ACP3: variants seen among roughly 807,000 people sequenced by gnomAD.
ACP3 encodes prostatic acid phosphatase.
A neutral mutation model predicts 45.6 loss-of-function variants in ACP3; 38 were observed. That is an observed-to-expected ratio of 0.83 (90% CI 0.64 to 1.09). The LOEUF is 1.09. Ranked by LOEUF, ACP3 falls within the 50% of genes least tolerant of loss-of-function variation. The probability of loss-of-function intolerance (pLI) is 0.00; values close to 1 mark genes in which losing one functional copy is unlikely to be tolerated. For synonymous variants in ACP3, 162 were observed against 164.7 expected (o/e 0.98, Z 0.13); for missense variants, 466 against 463.2 (o/e 1.01, Z -0.05).
chr3:132,329,006 T>C (rs944096069), intron 2 of ACP3, among the ~76,000 whole-genome samples: 3 of 152,234 alleles, frequency 2.0e-5, no homozygotes, highest in African/African-American at 7.2e-5. Context: ...GATTTGACCT[T>C]CCTTATAAGT....
intron 1 of ACP3, among the ~76,000 whole-genome samples, chr3:132,325,977 G>A (rs1937291800): frequency 6.6e-6 from 1 of 152,154 alleles, no homozygotes; most frequent in African/African-American, 2.4e-5. Flanking sequence ...AAATGTTAAG[G>A]AGTTACCGTT....
chr3:132,328,550 G>A (rs963182968), intron 2 of ACP3, among the ~76,000 whole-genome samples, 188 bp downstream of exon 2: 1 of 151,962 alleles, frequency 6.6e-6, no homozygotes, highest in African/African-American at 2.4e-5. Flanking sequence ...TTGGTGGTGG[G>A]CACCTGTAAT....
chr3:132,327,131 C>G (rs1024433312), intron 1 of ACP3, among the ~76,000 whole-genome samples: 3 of 152,222 alleles, frequency 2.0e-5, no homozygotes, highest in African/African-American at 7.2e-5. Flanking sequence ...CACCTGCAAT[C>G]TTTTACTCCT....
chr3:132,362,045 T>C (rs1938049577), downstream of ACP3, among the ~76,000 whole-genome samples: 1 of 152,234 alleles, frequency 6.6e-6, no homozygotes, highest in African/African-American at 2.4e-5. Context: ...ATGATTCACA[T>C]GTTCTTGTAC....
At chr3:132,336,215 G>T (rs1438593707) in intron 4 of ACP3, among the ~76,000 whole-genome samples, 2 of 152,072 alleles carry the variant, frequency 1.3e-5, no homozygotes, top group East Asian at 3.9e-4. Flanking sequence ...AGCCGAGATC[G>T]CGCCACTGCA....
chr3:132,322,127 G>C (rs1937217711), intron 1 of ACP3, among the ~76,000 whole-genome samples: 1 of 152,196 alleles, frequency 6.6e-6, no homozygotes, highest in South Asian at 2.1e-4. Flanking sequence ...CAAAGCAGGA[G>C]TTTGAACCCA....
At chr3:132,367,822 A>T (rs765630812) in exon 11 of ACP3, 19 of 1,606,458 alleles carry the variant, frequency 1.2e-5, no homozygotes, top group Non-Finnish European at 1.5e-5. Context: ...GGAACATCTG[A>T]ACAGACAGCT....
intron 10 of ACP3, among the ~76,000 whole-genome samples, chr3:132,367,221 C>A (rs1938146002): frequency 6.6e-6 from 1 of 152,172 alleles, no homozygotes; most frequent in Non-Finnish European, 1.5e-5. Context: ...AAATAGTACA[C>A]AGTTATGCTA....
At chr3:132,325,012 T>C (rs1937272634) in intron 1 of ACP3, among the ~76,000 whole-genome samples, 1 of 152,248 alleles carries the variant, frequency 6.6e-6, no homozygotes, top group South Asian at 2.1e-4. Flanking sequence ...TAATTGCTAA[T>C]AAAGTATTTT....
At position 132,358,384 on chromosome 3, in the gene ACP3, C is replaced by A. The variant is rs991391021; in HGVS notation, c.*1506C>A. ...AAAGGAATGTGTAAGTCTTTAATGC[C>A]GATATCTTCAGAAAACCTAAGCAAA... On this transcript the variant is annotated 3_prime_UTR_variant, in exon 10 of 10. Coordinates refer to ENST00000336375, the MANE Select transcript of ACP3 (RefSeq NM_001099.5). 3.2e-6 allele frequency: 4 copies of A among 1,235,280 alleles called. No homozygotes were observed. The highest frequency in any genetic ancestry group is 4.2e-6 in the Non-Finnish European group (4 of 954,122). The allele number at this position is 1,235,280 out of a possible 1,614,324, so 76.5% of individuals were successfully genotyped here.
chr3:132,364,103 A>G (rs1217370299), intron 10 of ACP3, among the ~76,000 whole-genome samples: 1 of 152,112 alleles, frequency 6.6e-6, no homozygotes, highest in Non-Finnish European at 1.5e-5. Context: ...CAGCACCTTG[A>G]GAGTCCGAGG....
At chr3:132,365,610 T>G (rs1276274897) in intron 10 of ACP3, among the ~76,000 whole-genome samples, 2 of 152,200 alleles carry the variant, frequency 1.3e-5, no homozygotes, top group African/African-American at 4.8e-5. Flanking sequence ...CTGATTGAGA[T>G]GAGCATTCAT....
intron 10 of ACP3, among the ~76,000 whole-genome samples, chr3:132,365,784 C>T (rs1168251070): frequency 6.6e-6 from 1 of 151,966 alleles, no homozygotes; most frequent in Non-Finnish European, 1.5e-5. Flanking sequence ...GTCAGGAGTT[C>T]ATGGTCAGCC....
chr3:132,325,288 C>T (rs953916196), intron 1 of ACP3, among the ~76,000 whole-genome samples: 1 of 152,182 alleles, frequency 6.6e-6, no homozygotes, highest in African/African-American at 2.4e-5. Context: ...CAGGACATCC[C>T]TTCCAAAGGG....
chr3:132,358,753 G>T lies in ACP3; in HGVS notation c.*1875G>T. The T allele has an allele frequency of 1.0e-6, 1 of 988,014 alleles. No individual in the cohort carries two copies. The allele number at this position is 988,014 out of a possible 1,614,324, so 61.2% of individuals were successfully genotyped here. A position where few individuals can be genotyped will look rare whatever the true frequency, so the allele number is the denominator to read the frequency against. ...TAGTGAATAAAGTCATTATTAGGAA[G>T]TTCAAAAGCATTGCTTTTATAATGA... On this transcript the variant is annotated 3_prime_UTR_variant, in exon 10 of 10. Transcript: ENST00000336375.
chr3:132,335,846 T>C (rs752239188), intron 4 of ACP3, among the ~76,000 whole-genome samples: 12 of 152,210 alleles, frequency 7.9e-5, no homozygotes, highest in Non-Finnish European at 1.5e-4. Context: ...ATGCAAACTC[T>C]TGATGTAGTC....
chr3:132,320,156 A>C (rs1251680853), intron 1 of ACP3, among the ~76,000 whole-genome samples: 1 of 152,192 alleles, frequency 6.6e-6, no homozygotes, highest in Admixed American at 6.5e-5. Flanking sequence ...GCTAATACGC[A>C]CTGTGGCTTT....
intron 1 of ACP3, among the ~76,000 whole-genome samples, chr3:132,324,973 T>C (rs1166606827): frequency 6.6e-6 from 1 of 152,270 alleles, no homozygotes; most frequent in Middle Eastern, 3.4e-3. Flanking sequence ...GTCTTTCTAT[T>C]ACAATTACCA....
intron 1 of ACP3, among the ~76,000 whole-genome samples, chr3:132,319,238 G>T (rs1937161659): frequency 6.6e-6 from 1 of 152,006 alleles, no homozygotes; most frequent in South Asian, 2.1e-4. Flanking sequence ...TATTTTTATT[G>T]ACTAAAGAGA....
Sources: allele counts gnomAD v4.1 joint callset (sites outside exome capture counted in the v4.1 genomes callset), GRCh38; gene constraint gnomAD v4.1.1; transcripts MANE v1.5; gene names NCBI Gene and HGNC (gene_info 2026-07-23, HGNC 2026-07-21).